TPR: variants seen among roughly 807,000 people sequenced by gnomAD.
The protein encoded by TPR is translocated promoter region, nuclear basket protein.
Under a neutral mutation model 316.1 loss-of-function variants are expected in TPR, and 51 were observed. The ratio of observed to expected loss-of-function variants is 0.16; its 90% CI spans 0.13 to 0.20. The LOEUF (loss-of-function observed/expected upper bound fraction) is 0.20. TPR is among the 10% of genes least tolerant of loss of function. TPR has a pLI of 1.00. For synonymous variants in TPR, 981 were observed against 914.7 expected (o/e 1.07, Z -1.31); for missense variants, 2,272 against 2,754.8 (o/e 0.82, Z 3.92).
chr1:186,343,785 CAAATA>C (rs1658589893), intron 26 of TPR, 116 bp downstream of exon 26: 2 of 995,578 alleles, frequency 2.0e-6, no homozygotes, highest in East Asian at 2.7e-5. Context: ...AGTTCTTTGA[CAAATA>C]AAAGAATGAA....
intron 4 of TPR, among the ~76,000 whole-genome samples, chr1:186,366,329 G>A (rs892039291): frequency 3.9e-5 from 6 of 152,086 alleles, no homozygotes; most frequent in African/African-American, 9.7e-5. Context: ...TACAGTAAAC[G>A]TATTTTCTCT....
In TPR at chr1:186,351,477, C is replaced by T. The variant is rs745431584; in HGVS notation, c.2470-7G>A. ...CAGATCGCTCCAGTATTCCCTAAAGCAAAGAAAAGATTTTTGGTTATGCTT... is the reference window on the plus strand; with the variant it reads ...CAGATCGCTCCAGTATTCCCTAAAGTAAAGAAAAGATTTTTGGTTATGCTT... On this transcript the variant is annotated splice_polypyrimidine_tract_variant and splice_region_variant and intron_variant, in intron 19 of 50. Coordinates refer to ENST00000367478, the MANE Select transcript of TPR (RefSeq NM_003292.3). 6.4e-7 allele frequency: 1 copy of T among 1,551,472 alleles called. No individual in the cohort carries two copies. Among genetic ancestry groups the T allele is most frequent in the Non-Finnish European group, 8.7e-7 (1 of 1,156,066 alleles).
chr1:186,367,885 C>T lies in TPR; in HGVS notation c.427+1G>A. 6.2e-7 allele frequency: 1 copy of T among 1,600,154 alleles called. No homozygotes were observed. ...TAAAAGCTACAAGCACTTCTTCATACCTGTTAAGTATTCAAGTTCTTGAGA... is the reference window on the plus strand; with the variant it reads ...TAAAAGCTACAAGCACTTCTTCATATCTGTTAAGTATTCAAGTTCTTGAGA... On this transcript the variant is annotated splice_donor_variant, in intron 4 of 50. Transcript: ENST00000367478. LOFTEE classifies it high-confidence loss of function.
At chr1:186,360,123 A>G in intron 11 of TPR, 127 bp from the exon 12 acceptor site, 1 of 1,293,852 alleles carries the variant, frequency 7.7e-7, no homozygotes, top group Non-Finnish European at 1.1e-6. Flanking sequence ...TTAGTTACAC[A>G]GCACTAGGAA....
At chr1:186,348,245 G>A (rs912040314) in intron 21 of TPR, among the ~76,000 whole-genome samples, 1 of 152,102 alleles carries the variant, frequency 6.6e-6, no homozygotes, top group Non-Finnish European at 1.5e-5. Flanking sequence ...GTCCCTGGGG[G>A]GAGGTCTATG....
chr1:186,324,329 A>T (rs1657854822), intron 42 of TPR, among the ~76,000 whole-genome samples: 1 of 152,246 alleles, frequency 6.6e-6, no homozygotes, highest in South Asian at 2.1e-4. Flanking sequence ...TAAAGGTTAG[A>T]CCATTAGAGA....
chr1:186,320,493 G>A, intron 45 of TPR, 75 bp from the exon 46 acceptor site: 12 of 1,217,908 alleles, frequency 9.9e-6, no homozygotes, highest in East Asian at 2.7e-5. Flanking sequence ...AAAAAATATA[G>A]GAAGAAGGAA....
rs749196254 is a variant in TPR, at chr1:186,355,726, C to T, written c.1931G>A (p.Arg644His). ...DDVSLASTPKRPSTSQTVSTP... is the reference protein window; with the variant it reads ...DDVSLASTPKHPSTSQTVSTP... ...GGAAACAGTCTGTGATGTACTTGGA[C>T]GTTTTGGAGTTGATGCAAGAGAAAC... Residue 644 changes from arginine to histidine, a missense_variant, in exon 16 of 51, where the codon CGT (arginine) becomes CAT (histidine). Coordinates refer to ENST00000367478, the MANE Select transcript of TPR (RefSeq NM_003292.3). The T allele has an allele frequency of 1.4e-5, 22 of 1,613,912 alleles. No individual in the cohort carries two copies. The highest frequency in any genetic ancestry group is 2.7e-5 in the African/African-American group (2 of 74,890).
At chr1:186,341,730 A>G (rs1275422560) in intron 27 of TPR, 1 of 185,776 alleles carries the variant, frequency 5.4e-6, no homozygotes, top group Non-Finnish European at 1.1e-5. Flanking sequence ...ATGTTATTCT[A>G]ATCCTCAGTT....
chr1:186,368,437 C>T (rs1309497327), intron 3 of TPR, among the ~76,000 whole-genome samples: 3 of 152,134 alleles, frequency 2.0e-5, no homozygotes, highest in African/African-American at 4.8e-5. Flanking sequence ...CACAGCGAAA[C>T]CCAGTCTCTA....
At chr1:186,372,246 T>C (rs913036976) in intron 2 of TPR, among the ~76,000 whole-genome samples, 3 of 152,240 alleles carry the variant, frequency 2.0e-5, no homozygotes, top group African/African-American at 4.8e-5. Flanking sequence ...AATTGAACTA[T>C]ATTAAGTATC....
chr1:186,343,444 T>G lies in TPR; in HGVS notation c.3632A>C (p.Glu1211Ala), dbSNP rs764952687. 8 of 1,613,122 alleles carry G rather than the reference T, an allele frequency of 5.0e-6. No homozygotes were observed. Among genetic ancestry groups the G allele is most frequent in the African/African-American group, 2.7e-5 (2 of 74,904 alleles). Residue 1211 changes from glutamate to alanine, a missense_variant, in exon 27 of 51, where the codon GAA (glutamate) becomes GCA (alanine). Physicochemically the swap from Glu to Ala is moderately radical, Grantham distance 107. Around this residue, in one of 10 missense-constraint regions of TPR, gnomAD observed 757 missense variants for 859.8 expected, o/e 0.88. Coordinates refer to ENST00000367478, the MANE Select transcript of TPR (RefSeq NM_003292.3). ...RFIRREKEIAETRFEVAQVES... is the reference protein window; with the variant it reads ...RFIRREKEIAATRFEVAQVES... Reference sequence around the variant, plus strand: ...AACCTGAGCCACCTCAAACCTAGTTTCAGCAATTTCTTTTTCTCGTCGTAT... The same window carrying G: ...AACCTGAGCCACCTCAAACCTAGTTGCAGCAATTTCTTTTTCTCGTCGTAT...
At chr1:186,338,279 T>C (rs771971178) in intron 30 of TPR, 36 bp from the exon 31 acceptor site, 16 of 1,528,474 alleles carry the variant, frequency 1.0e-5, no homozygotes, top group Non-Finnish European at 1.3e-5. Flanking sequence ...AGATTAAATA[T>C]ATGAGACATT....
Position 186,338,204 on chromosome 1 carries a change from C to G in TPR, c.4191G>C (p.Gln1397His), listed in dbSNP as rs769976850. Residue 1397 changes from glutamine (Q) to histidine (H), a missense_variant, in exon 31 of 51, where the codon CAG (glutamine) becomes CAC (histidine). This residue lies in a region of TPR where 96 missense variants were observed against 134.6 expected (regional missense o/e 0.71). Coordinates refer to ENST00000367478, the MANE Select transcript of TPR (RefSeq NM_003292.3). ...ASLTNNQNLI[Q>H]SLKEDLNKVR... The stretch of plus-strand genomic sequence containing the variant: ...CTTTATTTAGATCTTCCTTCAGACT[C>G]TGAATTAAGTTCTGGTTGTTAGTCA... 4 of 1,612,194 alleles carry G rather than the reference C, an allele frequency of 2.5e-6. No homozygotes were observed. The highest frequency in any genetic ancestry group is 1.3e-5 in the African/African-American group (1 of 74,788).
intron 2 of TPR, among the ~76,000 whole-genome samples, chr1:186,372,770 C>T (rs1412866690): frequency 1.3e-5 from 2 of 152,008 alleles, no homozygotes; most frequent in African/African-American, 4.8e-5. Flanking sequence ...TCTTTAACAT[C>T]TTGTGAACTT....
intron 27 of TPR, chr1:186,342,630 T>C (rs1361411053): frequency 6.6e-6 from 1 of 151,980 alleles, no homozygotes; most frequent in Non-Finnish European, 1.5e-5. Context: ...AATGGTTTCT[T>C]CTTAACAGTC....
chr1:186,336,529 C>T lies in TPR; in HGVS notation c.4672G>A (p.Val1558Ile). ...TGTGCAATTTTTGACTTTGCTGCTACAATAGCCTTTCTGGTTTTTTCTTCC... is the reference window on the plus strand; with the variant it reads ...TGTGCAATTTTTGACTTTGCTGCTATAATAGCCTTTCTGGTTTTTTCTTCC... ...EKEEKTRKAIVAAKSKIAHLA... is the reference protein window; with the variant it reads ...EKEEKTRKAIIAAKSKIAHLA... The change falls in exon 33 of 51, where the codon GTA becomes ATA. Residue 1558 changes from valine (V) to isoleucine (I), a missense_variant. Coordinates refer to ENST00000367478, the MANE Select transcript of TPR (RefSeq NM_003292.3). The T allele has an allele frequency of 2.5e-6, 4 of 1,613,866 alleles. No homozygotes were observed. The highest frequency in any genetic ancestry group is 3.4e-6 in the Non-Finnish European group (4 of 1,179,882).
At chr1:186,333,430 T>C (rs750234582) in intron 36 of TPR, 36 bp from the exon 37 acceptor site, 17 of 1,597,732 alleles carry the variant, frequency 1.1e-5, no homozygotes, top group African/African-American at 8.1e-5. Context: ...ATAAGCCTTC[T>C]ACTTTTATCA....
rs1558009212 is a variant in TPR at position 186,341,126 on chromosome 1, G to C, written c.3922C>G (p.Gln1308Glu). Residue 1308 changes from glutamine (Q) to glutamate (E), a missense_variant, in exon 29 of 51, where the codon CAA (glutamine) becomes GAA (glutamate). Around this residue, in one of 10 missense-constraint regions of TPR, gnomAD observed 757 missense variants for 859.8 expected, o/e 0.88. Coordinates refer to ENST00000367478, the MANE Select transcript of TPR (RefSeq NM_003292.3). Reference protein sequence around the residue: ...RKLELDILPLQEANAELSEKS... With the variant: ...RKLELDILPLEEANAELSEKS... ...TCACTCAGCTCAGCATTTGCTTCTT[G>C]TAAGGGTAAAATATCTAACTCCAGT... The C allele has an allele frequency of 6.2e-7, 1 of 1,614,028 alleles. No individual in the cohort carries two copies. The highest frequency in any genetic ancestry group is 8.5e-7 in the Non-Finnish European group (1 of 1,180,004).
Sources: allele counts gnomAD v4.1 joint callset (sites outside exome capture counted in the v4.1 genomes callset), GRCh38; gene constraint gnomAD v4.1.1; regional missense constraint gnomAD v4.1.1; transcripts MANE v1.5; gene names NCBI Gene and HGNC (gene_info 2026-07-23, HGNC 2026-07-21).